Variants in PRB4 observed in about 807,000 individuals in gnomAD.
The protein encoded by PRB4 is proline rich protein BstNI subfamily 4.
In PRB4, 14 loss-of-function variants were observed where a neutral mutation model predicts 9.1. The ratio of observed to expected loss-of-function variants is 1.54; its 90% confidence interval spans 1.02 to 2.41. PRB4 has a LOEUF of 2.41. PRB4 is among the 30% of genes most tolerant of loss of function. The probability of loss-of-function intolerance (pLI) is 0.00; values close to 1 mark genes in which losing one functional copy is unlikely to be tolerated. For missense variants in PRB4, 381 were observed against 299.3 expected (o/e 1.27, Z -2.02); for synonymous variants, 102 against 108.5 (o/e 0.94, Z 0.37).
At position 11,308,565 on chromosome 12, in the gene PRB4, T is replaced by G; in HGVS notation, c.418A>C (p.Lys140Gln). 6.3e-7 allele frequency: 1 copy of G among 1,576,022 alleles called. No individual in the cohort carries two copies. Among genetic ancestry groups the G allele is most frequent in the South Asian group, 1.1e-5 (1 of 89,664 alleles). ...CCTTGTGGGGGTGGTCTTTCTGGCT[T>G]TCCTGGAGGAGGTGGGGGACGGTGG... is the stretch of plus-strand genomic sequence containing the variant. ...QSHRPPPPPGKPERPPPQGGN... is the reference protein window; with the variant it reads ...QSHRPPPPPGQPERPPPQGGN... The change falls in exon 3 of 4, where the codon AAG becomes CAG. Residue 140 changes from lysine (K) to glutamine (Q), a missense_variant. Coordinates refer to ENST00000279575, the MANE Select transcript of PRB4 (RefSeq NM_002723.6).
chr12:11,309,456 G>A (rs755214855), intron 1 of PRB4, 51 bp from the exon 2 acceptor site: 10 of 1,613,900 alleles, frequency 6.2e-6, no homozygotes, highest in South Asian at 1.1e-5. Flanking sequence ...AAATCTTCAA[G>A]ACTCACAAGT....
At position 11,308,463 on chromosome 12, in the gene PRB4, G is replaced by C. The variant is rs370191888; in HGVS notation, c.520C>G (p.Arg174Gly). ...GPPPQEGNKS[R>G]SARSPPGKPQ... ...TTTCCTGGAGGAGATCGGGCACTTCGGGACTTGTTTCCTTCCTGTGGGGGT... is the reference window on the plus strand; with the variant it reads ...TTTCCTGGAGGAGATCGGGCACTTCCGGACTTGTTTCCTTCCTGTGGGGGT... Residue 174 changes from arginine to glycine, a missense_variant, in exon 3 of 4, where the codon CGA becomes GGA. Transcript: ENST00000279575. 8.1e-6 allele frequency: 13 copies of C among 1,613,540 alleles called. No individual in the cohort carries two copies. In the Admixed American group the frequency reaches 8.3e-5, roughly 10 times the overall value.
At position 11,308,255 on chromosome 12, in the gene PRB4, T is replaced by C; in HGVS notation, c.728A>G (p.Gln243Arg). 6.2e-7 allele frequency: 1 copy of C among 1,610,854 alleles called. No individual in the cohort carries two copies. The highest frequency in any genetic ancestry group is 8.5e-7 in the Non-Finnish European group (1 of 1,178,730). Residue 243 changes from glutamine (Q) to arginine (R), a missense_variant, in exon 3 of 4, where the codon CAA becomes CGA. Gln to Arg is a conservative substitution (Grantham distance 43). Coordinates refer to ENST00000279575, the MANE Select transcript of PRB4 (RefSeq NM_002723.6). ...AATCCTAGATTACTGGGGAGGCTGT[T>C]GTCCCTGGGCAGGTCTGGGTGGCCT... is the stretch of plus-strand genomic sequence containing the variant. ...GGRPPRPAQGQQPPQ is the reference protein window; with the variant it reads ...GGRPPRPAQGRQPPQ
In PRB4 at chr12:11,308,782, C is replaced by T. The variant is rs1565780176; in HGVS notation, c.201G>A (p.Gln67=). ...CTGGAGGAGGTGGGGGACCTTGGGA[C>T]TGGTTTCCTCCTTGTGGGGGTGGTC... ...PQGPPPQGGN[Q]SQGPPPPPGK... is the part of the protein sequence containing the mutation. The change falls in exon 3 of 4, where the codon CAG becomes CAA. Residue 67 remains glutamine (Q), a synonymous_variant. Transcript: ENST00000279575. 1.3e-6 allele frequency: 2 copies of T among 1,599,966 alleles called. No homozygotes were observed. The highest frequency in any genetic ancestry group is 1.7e-6 in the Non-Finnish European group (2 of 1,172,916).
Position 11,308,618 on chromosome 12 carries a change from CT to C in PRB4, c.364del (p.Arg122AspfsTer135), listed in dbSNP as rs1862971344. On this transcript the variant is annotated frameshift_variant, in exon 3 of 4. Coordinates refer to ENST00000279575, the MANE Select transcript of PRB4 (RefSeq NM_002723.6). LOFTEE classifies it low-confidence loss of function (END_TRUNC). Reference sequence around the variant, plus strand: ...CTGGTTGCCTCCTTGTGGGGGTGGTCTTTCTGGCTTTCCTGGAGGAGGTGGG... The same window carrying C: ...CTGGTTGCCTCCTTGTGGGGGTGGTCTTCTGGCTTTCCTGGAGGAGGTGGG... ...GTPPPPGKPE[R>X]PPPQGGNQSH... 1 of 1,331,160 alleles carries C rather than the reference CT, an allele frequency of 7.5e-7. No homozygotes were observed. The highest frequency in any genetic ancestry group is 1.3e-5 in the South Asian group (1 of 79,376). 82.5% of individuals were successfully genotyped at this position (1,331,160 alleles called of 1,614,324 possible).
chr12:11,307,729 C>T (rs1251843781), intron 3 of PRB4, among the ~76,000 whole-genome samples: 1 of 152,142 alleles, frequency 6.6e-6, no homozygotes, highest in Non-Finnish European at 1.5e-5. Context: ...AAATTAGCTT[C>T]ATATTTTTCC....
At chr12:11,308,920 G>C in intron 2 of PRB4, 38 bp from the exon 3 acceptor site, 2 of 1,612,510 alleles carry the variant, frequency 1.2e-6, no homozygotes, top group Non-Finnish European at 1.7e-6. Flanking sequence ...TCACTGAATA[G>C]TTGCCACAAA....
At chr12:11,307,399 C>T (rs1184052975) in intron 3 of PRB4, among the ~76,000 whole-genome samples, 200 bp from the exon 4 acceptor site, 1 of 152,136 alleles carries the variant, frequency 6.6e-6, no homozygotes, top group African/African-American at 2.4e-5. Flanking sequence ...AAGCTAAAAC[C>T]ACCCTCAGTG....
At position 11,308,621 on chromosome 12, in the gene PRB4, T is replaced by C. The variant is rs1862971705; in HGVS notation, c.362A>G (p.Glu121Gly). 1 of 1,338,716 alleles carries C rather than the reference T, an allele frequency of 7.5e-7. No homozygotes were observed. The highest frequency in any genetic ancestry group is 2.6e-5 in the East Asian group (1 of 39,000). 82.9% of individuals were successfully genotyped at this position (1,338,716 alleles called of 1,614,324 possible). ...GTTGCCTCCTTGTGGGGGTGGTCTT[T>C]CTGGCTTTCCTGGAGGAGGTGGGGT... The part of the protein sequence containing the change: ...QGTPPPPGKP[E>G]RPPPQGGNQS... The change falls in exon 3 of 4, where the codon GAA becomes GGA. Residue 121 changes from glutamate to glycine, a missense_variant. Coordinates refer to ENST00000279575, the MANE Select transcript of PRB4 (RefSeq NM_002723.6).
In PRB4 at chr12:11,308,331, C is replaced by T. The variant is rs754614621; in HGVS notation, c.652G>A (p.Ala218Thr). Reference sequence around the variant, plus strand: ...CCCTGGGGCTTTCCAGCAGGAGGTGCCTGAGGCTGCTGGGGATTGCCTCCT... The same window carrying T: ...CCCTGGGGCTTTCCAGCAGGAGGTGTCTGAGGCTGCTGGGGATTGCCTCCT... ...PAGGNPQQPQ[A>T]PPAGKPQGPP... The change falls in exon 3 of 4, where the codon GCA becomes ACA. Residue 218 changes from alanine (A) to threonine (T), a missense_variant. By Grantham distance (58) the Ala-to-Thr change is moderately conservative (BLOSUM62 0). Coordinates refer to ENST00000279575, the MANE Select transcript of PRB4 (RefSeq NM_002723.6). 1.9e-6 allele frequency: 3 copies of T among 1,609,048 alleles called. No homozygotes were observed. Among genetic ancestry groups the T allele is most frequent in the Admixed American group, 1.7e-5 (1 of 59,782 alleles).
intron 2 of PRB4, 138 bp downstream of exon 2, chr12:11,309,232 A>G (rs1862997362): frequency 1.4e-6 from 2 of 1,438,986 alleles, no homozygotes; most frequent in Non-Finnish European, 1.9e-6. Flanking sequence ...GTTTGCATGA[A>G]GATTGCCTAT....
At chr12:11,307,466 T>C (rs1434541659) in intron 3 of PRB4, among the ~76,000 whole-genome samples, 2 of 152,186 alleles carry the variant, frequency 1.3e-5, no homozygotes, top group Non-Finnish European at 2.9e-5. Context: ...TAGAGTAGTA[T>C]AAAAATGTAA....
chr12:11,307,744 C>T (rs1011908883), intron 3 of PRB4, among the ~76,000 whole-genome samples: 1 of 152,046 alleles, frequency 6.6e-6, no homozygotes, highest in African/African-American at 2.4e-5. Flanking sequence ...TTTTCCATTC[C>T]ATTAGATATT....
rs139773019 is a variant in PRB4, at chr12:11,308,669, T to G, written c.314A>C (p.Gln105Pro). 3.5e-5 allele frequency: 56 copies of G among 1,582,190 alleles called. No individual in the cohort carries two copies. The East Asian group carries it at 1.0e-3, about 29-fold the overall frequency. The stretch of plus-strand genomic sequence containing the variant: ...GGTACCTTGGGACTGGTTTCCTCCT[T>G]GTGGGGGTGGTCTTTCTGGCTTTCC... ...HPGKPERPPP[Q>P]GGNQSQGTPP... is the part of the protein sequence containing the mutation. The change falls in exon 3 of 4, where the codon CAA becomes CCA. Residue 105 changes from glutamine to proline, a missense_variant. Coordinates refer to ENST00000279575, the MANE Select transcript of PRB4 (RefSeq NM_002723.6).
In PRB4 at chr12:11,308,772, G is replaced by C. The variant is rs12308381; in HGVS notation, c.211C>G (p.Pro71Ala). ...PPQGGNQSQG[P>A]PPPPGKPEGR... is the part of the protein sequence containing the mutation. ...TCTGGCTTTCCTGGAGGAGGTGGGG[G>C]ACCTTGGGACTGGTTTCCTCCTTGT... is the stretch of plus-strand genomic sequence containing the variant. The change falls in exon 3 of 4, where the codon CCC (proline) becomes GCC (alanine). Residue 71 changes from proline to alanine, a missense_variant. Transcript: ENST00000279575. 5.5e-6 allele frequency: 6 copies of C among 1,094,670 alleles called. No homozygotes were observed. Among genetic ancestry groups the C allele is most frequent in the Non-Finnish European group, 7.3e-6 (6 of 818,088 alleles). 67.8% of individuals were successfully genotyped at this position (1,094,670 alleles called of 1,614,324 possible).
intron 1 of PRB4, among the ~76,000 whole-genome samples, chr12:11,309,837 T>G (rs1863011929): frequency 6.6e-6 from 1 of 152,196 alleles, no homozygotes; most frequent in Non-Finnish European, 1.5e-5. Context: ...AAATACTGCA[T>G]GTAGGGGAGA....
intron 1 of PRB4, among the ~76,000 whole-genome samples, chr12:11,310,099 T>C (rs1480674469): frequency 6.6e-6 from 1 of 152,202 alleles, no homozygotes; most frequent in African/African-American, 2.4e-5. Flanking sequence ...TCTATCTCTA[T>C]AAATTCAAAT....
chr12:11,310,258 C>T, intron 1 of PRB4, 77 bp downstream of exon 1: 2 of 1,576,290 alleles, frequency 1.3e-6, no homozygotes, highest in Non-Finnish European at 1.7e-6. Context: ...TTTTCATTCT[C>T]CTCTCTTCCC....
rs150464628 is a variant in PRB4 at position 11,310,221 on chromosome 12, C to G, written c.64+114G>C. 1,474 of 1,312,586 alleles carry G rather than the reference C, an allele frequency of 1.1e-3. 22 individuals are homozygous for G. The African/African-American group carries it at 0.02, about 18-fold the overall frequency. 81.3% of individuals were successfully genotyped at this position (1,312,586 alleles called of 1,614,324 possible). On this transcript the variant is annotated intron_variant, in intron 1 of 3. Coordinates refer to ENST00000279575, the MANE Select transcript of PRB4 (RefSeq NM_002723.6). The stretch of plus-strand genomic sequence containing the variant: ...GCACAACAGGTCTCCTGATCCTAGG[C>G]ATGAAAACTCTGCAGCCCCATCTGT...
Sources: allele counts gnomAD v4.1 joint callset (sites outside exome capture counted in the v4.1 genomes callset), GRCh38; gene constraint gnomAD v4.1.1; transcripts MANE v1.5; gene names NCBI Gene and HGNC (gene_info 2026-07-23, HGNC 2026-07-21).